PAPPA2: variants seen among roughly 807,000 people sequenced by gnomAD.
PAPPA2 encodes the protein pappalysin 2, also known as pappalysin-2.
PAPPA2 carries 86 observed loss-of-function variants against 176.4 expected under a neutral mutation model. The ratio of observed to expected loss-of-function variants is 0.49; its 90% CI spans 0.41 to 0.58. PAPPA2 has a LOEUF of 0.58. Among genes scored for constraint, PAPPA2 ranks in the 20% least tolerant of loss-of-function variants. The pLI is 0.00. For missense variants in PAPPA2, 2,073 were observed against 2,256.9 expected (o/e 0.92, Z 1.65); for synonymous variants, 809 against 852.2 (o/e 0.95, Z 0.88).
intron 10 of PAPPA2, among the ~76,000 whole-genome samples, chr1:176,709,160 T>C (rs1201975980): frequency 6.6e-6 from 1 of 152,156 alleles, no homozygotes; most frequent in Admixed American, 6.6e-5. Context: ...ACAACGCCAG[T>C]ATATTTTCTT....
chr1:176,814,848 C>T (rs1167513123), intron 21 of PAPPA2, among the ~76,000 whole-genome samples: 2 of 152,200 alleles, frequency 1.3e-5, no homozygotes, highest in South Asian at 2.1e-4. Context: ...GAGAAGGCAT[C>T]CTTGTCTTGT....
chr1:176,757,764 A>G (rs1484422891), intron 14 of PAPPA2, among the ~76,000 whole-genome samples: 2 of 152,288 alleles, frequency 1.3e-5, no homozygotes, highest in East Asian at 3.9e-4. Context: ...TGTTTTAGTC[A>G]TGAAGTCCTT....
chr1:176,558,683 T>A (rs1019081082), intron 2 of PAPPA2, among the ~76,000 whole-genome samples: 1 of 152,022 alleles, frequency 6.6e-6, no homozygotes, highest in Admixed American at 6.6e-5. Context: ...AATAATGAGA[T>A]GATTATCTGA....
chr1:176,766,365 G>A (rs1663965312), intron 15 of PAPPA2, among the ~76,000 whole-genome samples: 13 of 152,176 alleles, frequency 8.5e-5, no homozygotes, highest in Admixed American at 8.5e-4. Context: ...AATTTCTACA[G>A]CACCATTTTC....
chr1:176,502,901 A>G (rs1263786019), intron 1 of PAPPA2, among the ~76,000 whole-genome samples: 1 of 152,196 alleles, frequency 6.6e-6, no homozygotes, highest in Non-Finnish European at 1.5e-5. Context: ...AAACCGGTTC[A>G]TGTCCTGAGT....
chr1:176,491,643 A>G (rs1647296936), intron 1 of PAPPA2, among the ~76,000 whole-genome samples: 1 of 152,194 alleles, frequency 6.6e-6, no homozygotes, highest in Non-Finnish European at 1.5e-5. Flanking sequence ...AAAAATAAAC[A>G]TTGTTGCTAT....
chr1:176,576,210 C>A (rs1652632229), intron 2 of PAPPA2, among the ~76,000 whole-genome samples: 1 of 152,148 alleles, frequency 6.6e-6, no homozygotes, highest in South Asian at 2.1e-4. Flanking sequence ...CATGAGTGTG[C>A]CCTTTTCCCC....
At chr1:176,466,338 G>T (rs568877093) in intron 1 of PAPPA2, among the ~76,000 whole-genome samples, 6 of 152,168 alleles carry the variant, frequency 3.9e-5, no homozygotes, top group Non-Finnish European at 5.9e-5. Context: ...AATCATTTTT[G>T]ATTCTCTTTC....
At chr1:176,763,525 A>G (rs533457194) in intron 14 of PAPPA2, among the ~76,000 whole-genome samples, 42 of 152,336 alleles carry the variant, frequency 2.8e-4, no homozygotes, top group Middle Eastern at 3.4e-3. Flanking sequence ...TTTGCTCTCT[A>G]TAACATGAAC....
Position 176,513,158 on chromosome 1 carries a change from T to TATCATC in PAPPA2, c.-916-42217_-916-42212dup, listed in dbSNP as rs66771117. On this transcript the variant is annotated intron_variant, in intron 1 of 22. Coordinates refer to ENST00000367662, the MANE Select transcript of PAPPA2 (RefSeq NM_020318.3). The stretch of plus-strand genomic sequence containing the variant: ...CCATTCTTTATTATACATTTCTGTC[T>TATCATC]ATCATCATCATCATCATCATCATCA... Among the ~76,000 whole-genome samples the TATCATC allele has an allele frequency of 2.6e-3, 382 of 149,658 alleles. 1 individual carries two copies. Among genetic ancestry groups the TATCATC allele is most frequent in the Admixed American group, 4.5e-3 (68 of 14,976 alleles).
intron 3 of PAPPA2, among the ~76,000 whole-genome samples, chr1:176,601,338 A>G (rs1654308145): frequency 6.6e-6 from 1 of 152,152 alleles, no homozygotes; most frequent in South Asian, 2.1e-4. Flanking sequence ...GTATTCTGCT[A>G]TGGCAGCACA....
At chr1:176,706,571 C>T (rs771865366) in intron 10 of PAPPA2, 121 bp downstream of exon 10, 58 of 776,402 alleles carry the variant, frequency 7.5e-5, no homozygotes, top group Non-Finnish European at 1.2e-4. Context: ...TGATGTGTCC[C>T]TTGTATGCCA....
At chr1:176,704,942 G>C (rs1396083318) in intron 9 of PAPPA2, among the ~76,000 whole-genome samples, 3 of 152,030 alleles carry the variant, frequency 2.0e-5, no homozygotes. Flanking sequence ...AATTAAAAAT[G>C]TGGCTTTCAT....
chr1:176,623,607 C>CTTTTT (rs1558478962), intron 3 of PAPPA2, among the ~76,000 whole-genome samples: 10 of 122,276 alleles, frequency 8.2e-5, no homozygotes, highest in South Asian at 2.8e-4. Flanking sequence ...TCCTTCCTTC[C>CTTTTT]TTCCTTCCTT....
chr1:176,779,798 T>C (rs1025907008), intron 17 of PAPPA2, among the ~76,000 whole-genome samples: 3 of 152,212 alleles, frequency 2.0e-5, no homozygotes, highest in Non-Finnish European at 4.4e-5. Flanking sequence ...ATCTCCTGAT[T>C]CCAAAGCACC....
intron 17 of PAPPA2, among the ~76,000 whole-genome samples, chr1:176,776,956 A>G (rs980813086): frequency 2.6e-5 from 4 of 151,924 alleles, no homozygotes; most frequent in South Asian, 2.1e-4. Context: ...TAGCCTGCCC[A>G]TGATCACTCA....
intron 1 of PAPPA2, among the ~76,000 whole-genome samples, chr1:176,544,125 T>G (rs1413316741): frequency 1.3e-5 from 2 of 152,196 alleles, no homozygotes; most frequent in African/African-American, 4.8e-5. Flanking sequence ...TTCATGGGGA[T>G]ATCCAGAGCC....
intron 14 of PAPPA2, among the ~76,000 whole-genome samples, chr1:176,759,769 G>A (rs985259701): frequency 3.3e-5 from 5 of 152,166 alleles, no homozygotes; most frequent in Admixed American, 2.0e-4. Flanking sequence ...TTCATGGAAA[G>A]TTTATTGATG....
intron 21 of PAPPA2, among the ~76,000 whole-genome samples, chr1:176,803,917 C>T (rs1203015911): frequency 1.3e-5 from 2 of 152,124 alleles, no homozygotes; most frequent in Admixed American, 6.6e-5. Flanking sequence ...CTAAAAAATG[C>T]TTGGGCTTTG....
Sources: gnomAD v4.1 joint callset for allele counts (sites outside exome capture counted in the v4.1 genomes callset) on GRCh38, gnomAD v4.1.1 for gene constraint, MANE v1.5 for transcripts, NCBI Gene and HGNC (gene_info 2026-07-23, HGNC 2026-07-21) for gene names.